CMTM3: variants seen among roughly 807,000 people sequenced by gnomAD.
The protein encoded by CMTM3 is CKLF-like MARVEL transmembrane domain-containing protein 3.
In CMTM3, 7 loss-of-function variants were observed where a neutral mutation model predicts 18.2. The observed-to-expected ratio is 0.38, with a 90% CI of 0.22 to 0.72. The LOEUF (loss-of-function observed/expected upper bound fraction) is 0.72. Ranked by LOEUF, CMTM3 falls within the 30% of genes least tolerant of loss-of-function variation. CMTM3 has a pLI of 0.46. For synonymous variants in CMTM3, 109 were observed against 111.2 expected, an observed-to-expected ratio of 0.98 and a Z score of 0.12; for missense variants, 227 against 249.2, an observed-to-expected ratio of 0.91 and a Z score of 0.60.
Position 66,612,510 on chromosome 16 carries a change from A to G in CMTM3, c.521-99A>G. ...AGTCAGCTGCAGGAGGCCTGCACCC[A>G]GGCTCCTGCCAGCAACCCAGCTGTG... On this transcript the variant is annotated intron_variant, in intron 4 of 4. Coordinates refer to ENST00000567572, the MANE Select transcript of CMTM3 (RefSeq NM_181553.4). This position sits in a 1 kb window ranked among gnomAD's most constrained non-coding sequence, Gnocchi z 6.0. The G allele has an allele frequency of 7.9e-7, 1 of 1,273,558 alleles. No homozygotes were observed. The highest frequency in any genetic ancestry group is 1.3e-5 in the South Asian group (1 of 77,374). The allele number at this position is 1,273,558 out of a possible 1,614,324, so 78.9% of individuals were successfully genotyped here. A position where few individuals can be genotyped will look rare whatever the true frequency, so the allele number is the denominator to read the frequency against.
intron 1 of CMTM3, among the ~76,000 whole-genome samples, chr16:66,607,879 C>G (rs576950543): frequency 1.3e-3 from 198 of 151,660 alleles, no homozygotes; most frequent in African/African-American, 4.5e-3. Flanking sequence ...GTCTCTCTCT[C>G]TCTCACCCAG....
chr16:66,606,854 T>TTGG (rs2015174777), intron 1 of CMTM3, among the ~76,000 whole-genome samples: 1 of 151,998 alleles, frequency 6.6e-6, no homozygotes, highest in South Asian at 2.1e-4. Flanking sequence ...TTAGCTGGGT[T>TTGG]TGGTGGCGGG....
Position 66,609,992 on chromosome 16 carries a change from A to G in CMTM3, c.509A>G (p.His170Arg). Residue 170 changes from histidine (H) to arginine (R), a missense_variant, in exon 4 of 5, where the codon CAC (histidine) becomes CGC (arginine). Transcript: ENST00000567572. This position sits in a 1 kb window ranked among gnomAD's most constrained non-coding sequence, Gnocchi z 4.4. ...QGDSADETTA[H>R]KTEEENSDSD... The stretch of plus-strand genomic sequence containing the variant: ...GACTCTGCAGATGAGACCACAGCCC[A>G]CAAGACAGAAGGTAAGCGGCTGCCC... The G allele has an allele frequency of 6.2e-7, 1 of 1,614,176 alleles. No individual in the cohort carries two copies. The highest frequency in any genetic ancestry group is 8.5e-7 in the Non-Finnish European group (1 of 1,180,038).
In CMTM3 at chr16:66,604,872, G is replaced by A. The variant is rs1415181015; in HGVS notation, c.67G>A (p.Ala23Thr). Residue 23 changes from alanine to threonine, a missense_variant, in exon 1 of 5, where the codon GCG becomes ACG. Coordinates refer to ENST00000567572, the MANE Select transcript of CMTM3 (RefSeq NM_181553.4). ...EPAGGSRPGP[A>T]VPGLRALLPA... ...TGCCGGCGGCTCCCGTCCCGGCCCC[G>A]CGGTCCCCGGGCTCCGCGCCCTGCT... 5.0e-6 allele frequency: 7 copies of A among 1,410,708 alleles called. No individual in the cohort carries two copies. Among genetic ancestry groups the A allele is most frequent in the Non-Finnish European group, 5.5e-6 (6 of 1,086,270 alleles). 87.4% of individuals were successfully genotyped at this position (1,410,708 alleles called of 1,614,324 possible). A position where few individuals can be genotyped will look rare whatever the true frequency, so the allele number is the denominator to read the frequency against.
chr16:66,610,819 T>G lies in CMTM3; in HGVS notation c.520+816T>G, dbSNP rs2015349067. The G allele has an allele frequency of 2.5e-6, 1 of 398,460 alleles. No homozygotes were observed. The highest frequency in any genetic ancestry group is 1.3e-4 in the South Asian group (1 of 7,852). 24.7% of individuals were successfully genotyped at this position (398,460 alleles called of 1,614,324 possible). On this transcript the variant is annotated intron_variant, in intron 4 of 4. Transcript: ENST00000567572. This position sits in a 1 kb window ranked among gnomAD's most constrained non-coding sequence, Gnocchi z 4.6. ...ATCTTCCCTAGGCAGGACCAGTAGG[T>G]TAGGCTTAAGAGCCACTGGTTTCCT...
rs2015241195 is a variant in CMTM3 at position 66,608,375 on chromosome 16, C to T, written c.214C>T (p.Leu72=). The T allele has an allele frequency of 1.1e-5, 18 of 1,614,232 alleles. No individual in the cohort carries two copies. The highest frequency in any genetic ancestry group is 1.4e-5 in the Non-Finnish European group (17 of 1,180,042). ...SSASAFLTAP[L]LEFLLALYFL... ...AGCATCTGCCTTCCTCACAGCGCCT[C>T]TGCTGGAGTTCCTGCTGGCCTTGTA... Residue 72 remains leucine, a synonymous_variant, in exon 2 of 5, where the codon CTG becomes TTG. Coordinates refer to ENST00000567572, the MANE Select transcript of CMTM3 (RefSeq NM_181553.4). The surrounding 1 kb of genome is among the most constrained non-coding windows in gnomAD (Gnocchi z 5.1).
Position 66,609,453 on chromosome 16 carries a change from ACCGCGGCCCT to A in CMTM3, c.324_333del (p.Ala109SerfsTer38). On this transcript the variant is annotated frameshift_variant, in exon 3 of 5. Transcript: ENST00000567572. LOFTEE classifies it high-confidence loss of function. The surrounding 1 kb of genome is among the most constrained non-coding windows in gnomAD (Gnocchi z 4.4). ...TCCCCAGGACTTCCTGCGCTGTGTC[ACCGCGGCCCT>A]CATCTACTTTGCTATCTCCATCACG... The A allele has an allele frequency of 6.2e-7, 1 of 1,612,944 alleles. No homozygotes were observed. The highest frequency in any genetic ancestry group is 8.5e-7 in the Non-Finnish European group (1 of 1,179,640).
At chr16:66,606,380 TCCCATG>T (rs1369855856) in intron 1 of CMTM3, among the ~76,000 whole-genome samples, 1 of 152,000 alleles carries the variant, frequency 6.6e-6, no homozygotes. Flanking sequence ...GCTGGGTCAG[TCCCATG>T]GAAGGCCTTC....
At chr16:66,604,670 G>A (rs2144725396), upstream of CMTM3, 1 of 621,846 alleles carries the variant, frequency 1.6e-6, no homozygotes, top group East Asian at 4.1e-5. Flanking sequence ...GCGGGGCGGG[G>A]CGTGGCGGCG....
Position 66,608,274 on chromosome 16 carries a change from A to C in CMTM3, c.148-35A>C, listed in dbSNP as rs137912280. On this transcript the variant is annotated intron_variant, in intron 1 of 4. Coordinates refer to ENST00000567572, the MANE Select transcript of CMTM3 (RefSeq NM_181553.4). The surrounding 1 kb of genome is among the most constrained non-coding windows in gnomAD (Gnocchi z 5.1). ...GGAGCACTGGACAAGGAACATGAAAAGGCTCTGACTTCACCTCAAACTCCT... is the reference window on the plus strand; with the variant it reads ...GGAGCACTGGACAAGGAACATGAAACGGCTCTGACTTCACCTCAAACTCCT... 7.1e-4 allele frequency: 1,150 copies of C among 1,611,952 alleles called. 21 individuals carry two copies. In the Admixed American group the frequency reaches 0.017, roughly 24 times the overall value.
rs2015091641 is a variant in CMTM3, at chr16:66,605,179, C to T, written c.147+227C>T. On this transcript the variant is annotated intron_variant, in intron 1 of 4. Coordinates refer to ENST00000567572, the MANE Select transcript of CMTM3 (RefSeq NM_181553.4). The surrounding 1 kb of genome is among the most constrained non-coding windows in gnomAD (Gnocchi z 4.6). Reference sequence around the variant, plus strand: ...CCCAGGCCATCCGCGGCGCTGTCCCCGCGAGTCCAGAGCTGGGGGCCGTGG... The same window carrying T: ...CCCAGGCCATCCGCGGCGCTGTCCCTGCGAGTCCAGAGCTGGGGGCCGTGG... 2 of 419,232 alleles carry T rather than the reference C, an allele frequency of 4.8e-6. No homozygotes were observed. The highest frequency in any genetic ancestry group is 8.4e-6 in the Non-Finnish European group (2 of 237,066). 26.0% of individuals were successfully genotyped at this position (419,232 alleles called of 1,614,324 possible). A position where few individuals can be genotyped will look rare whatever the true frequency, so the allele number is the denominator to read the frequency against.
chr16:66,604,497 G>A, upstream of CMTM3: 1 of 239,794 alleles, frequency 4.2e-6, no homozygotes, highest in African/African-American at 2.3e-5. Flanking sequence ...GAGCTCCGAA[G>A]GGGTGCCGGG....
rs1373906315 is a variant in CMTM3 at position 66,612,377 on chromosome 16, GACAAAAAACAACA to G, written c.521-223_521-211del. On this transcript the variant is annotated intron_variant, in intron 4 of 4. Coordinates refer to ENST00000567572, the MANE Select transcript of CMTM3 (RefSeq NM_181553.4). The surrounding 1 kb of genome is among the most constrained non-coding windows in gnomAD (Gnocchi z 6.0). ...GTGATGAGCAAGACTCTGTCTCAAAGACAAAAAACAACAACAAAAAAAAAAGAGAGAGAGAAAG... is the reference window on the plus strand; with the variant it reads ...GTGATGAGCAAGACTCTGTCTCAAAGACAAAAAAAAAAGAGAGAGAGAAAG... 6.6e-6 allele frequency among the ~76,000 whole-genome samples: 1 copy of G among 151,730 alleles called. No homozygotes were observed. Among genetic ancestry groups the G allele is most frequent in the Non-Finnish European group, 1.5e-5 (1 of 67,878 alleles).
At chr16:66,604,534 C>T, upstream of CMTM3, 1 of 283,672 alleles carries the variant, frequency 3.5e-6, no homozygotes. Flanking sequence ...CTCCAGCGGC[C>T]CGAACCAGGG....
At position 66,609,851 on chromosome 16, in the gene CMTM3, C is replaced by T. The variant is rs568619271; in HGVS notation, c.400-32C>T. 66 of 1,614,168 alleles carry T rather than the reference C, an allele frequency of 4.1e-5. 1 individual carries two copies. The South Asian group carries it at 4.9e-4, about 12-fold the overall frequency. Reference sequence around the variant, plus strand: ...CAGCCTCCCGGAGCAGGGAGTCAGCCCTGTGATGCATCCCATCCACCCTGT... The same window carrying T: ...CAGCCTCCCGGAGCAGGGAGTCAGCTCTGTGATGCATCCCATCCACCCTGT... On this transcript the variant is annotated intron_variant, in intron 3 of 4. Transcript: ENST00000567572. This position sits in a 1 kb window ranked among gnomAD's most constrained non-coding sequence, Gnocchi z 4.4.
chr16:66,605,041 C>A lies in CMTM3; in HGVS notation c.147+89C>A. 2 of 1,211,878 alleles carry A rather than the reference C, an allele frequency of 1.7e-6. No individual in the cohort carries two copies. The highest frequency in any genetic ancestry group is 2.1e-6 in the Non-Finnish European group (2 of 938,390). The allele number at this position is 1,211,878 out of a possible 1,614,324, so 75.1% of individuals were successfully genotyped here. A position where few individuals can be genotyped will look rare whatever the true frequency, so the allele number is the denominator to read the frequency against. On this transcript the variant is annotated intron_variant, in intron 1 of 4. Transcript: ENST00000567572. The surrounding 1 kb of genome is among the most constrained non-coding windows in gnomAD (Gnocchi z 4.6). ...TCGGGGCGCGGGTGGGGTCCGGGGG[C>A]GGCCGCCGTGCTCCGATACCCCCTC...
At position 66,610,144 on chromosome 16, in the gene CMTM3, T is replaced by A; in HGVS notation, c.520+141T>A. The A allele has an allele frequency of 9.5e-7, 1 of 1,047,314 alleles. No individual in the cohort carries two copies. 64.9% of individuals were successfully genotyped at this position (1,047,314 alleles called of 1,614,324 possible). On this transcript the variant is annotated intron_variant, in intron 4 of 4. Coordinates refer to ENST00000567572, the MANE Select transcript of CMTM3 (RefSeq NM_181553.4). The surrounding 1 kb of genome is among the most constrained non-coding windows in gnomAD (Gnocchi z 4.6). ...AGTGTTTTCACAGCCCATTCTCACC[T>A]ACCCTCATGCAGCACTGATCCAAAG...
Position 66,608,343 on chromosome 16 carries a change from C to G in CMTM3, c.182C>G (p.Ala61Gly), listed in dbSNP as rs201311207. The change falls in exon 2 of 5, where the codon GCG becomes GGG. Residue 61 changes from alanine (A) to glycine (G), a missense_variant. Transcript: ENST00000567572. This position sits in a 1 kb window ranked among gnomAD's most constrained non-coding sequence, Gnocchi z 5.1. ...LSFITFICYV[A>G]SSASAFLTAP... ...TTCATCACTTTTATCTGCTATGTGG[C>G]GTCCTCAGCATCTGCCTTCCTCACA... is the stretch of plus-strand genomic sequence containing the variant. 1.2e-6 allele frequency: 2 copies of G among 1,614,202 alleles called. No individual in the cohort carries two copies. Among genetic ancestry groups the G allele is most frequent in the African/African-American group, 2.7e-5 (2 of 75,060 alleles).
rs1209775766 is a variant in CMTM3, at chr16:66,610,493, G to A, written c.520+490G>A. ...GGCAGCAATGACGACAGTAAAACAGGAGCCGATAGAGGGAGGGATACAGTA... is the reference window on the plus strand; with the variant it reads ...GGCAGCAATGACGACAGTAAAACAGAAGCCGATAGAGGGAGGGATACAGTA... On this transcript the variant is annotated intron_variant, in intron 4 of 4. Coordinates refer to ENST00000567572, the MANE Select transcript of CMTM3 (RefSeq NM_181553.4). The surrounding 1 kb of genome is among the most constrained non-coding windows in gnomAD (Gnocchi z 4.6). Among the ~76,000 whole-genome samples, 3 of 152,210 alleles carry A rather than the reference G, an allele frequency of 2.0e-5. No homozygotes were observed. The highest frequency in any genetic ancestry group is 4.4e-5 in the Non-Finnish European group (3 of 68,040).
Sources: allele counts gnomAD v4.1 joint callset (sites outside exome capture counted in the v4.1 genomes callset), GRCh38; gene constraint gnomAD v4.1.1; non-coding constraint Gnocchi (gnomAD v3.1); transcripts MANE v1.5; gene names NCBI Gene and HGNC (gene_info 2026-07-23, HGNC 2026-07-21).